CXADR: variants seen among roughly 807,000 people sequenced by gnomAD.
CXADR encodes the protein coxsackievirus and adenovirus receptor.
Under a neutral mutation model 40.3 loss-of-function variants are expected in CXADR, and 20 were observed. The observed-to-expected ratio is 0.50, with a 90% confidence interval of 0.35 to 0.72. The LOEUF is 0.72. Among genes scored for constraint, CXADR ranks in the 30% least tolerant of loss-of-function variants. The pLI, the probability that CXADR is intolerant of heterozygous loss-of-function variation, is 0.01. For missense variants in CXADR, 332 were observed against 449.1 expected, an observed-to-expected ratio of 0.74 and a Z score of 2.36; for synonymous variants, 150 against 161.3, an observed-to-expected ratio of 0.93 and a Z score of 0.53.
chr21:17,587,105 A>C (rs1043140440), intron 7 of CXADR, among the ~76,000 whole-genome samples: 1 of 152,290 alleles, frequency 6.6e-6, no homozygotes, highest in Non-Finnish European at 1.5e-5. Flanking sequence ...CCCATGGTGT[A>C]TATGTGCCAC....
At chr21:17,522,116 G>C (rs2060538266) in intron 1 of CXADR, among the ~76,000 whole-genome samples, 1 of 151,836 alleles carries the variant, frequency 6.6e-6, no homozygotes, top group Admixed American at 6.6e-5. Flanking sequence ...CAAGTAGCTG[G>C]GACTACAGGC....
intron 7 of CXADR, among the ~76,000 whole-genome samples, chr21:17,577,612 C>CTTTTTTTTTTTTTTTTTTT (rs532541050): frequency 1.6e-4 from 6 of 36,562 alleles, no homozygotes; most frequent in South Asian, 1.9e-3. Context: ...ATTCTGCAAG[C>CTTTTTTTTTTTTTTTTTTT]TTTTTTTTTT....
At chr21:17,611,977 G>T in the CXADR span, 1 of 152,230 alleles carries the variant, frequency 6.6e-6, no homozygotes, top group East Asian at 1.9e-4. Flanking sequence ...CGACCTCAGC[G>T]GCGCCACAAA....
intron 6 of CXADR, among the ~76,000 whole-genome samples, chr21:17,561,762 C>CA (rs2061125242): frequency 2.0e-5 from 3 of 151,866 alleles, no homozygotes; most frequent in Admixed American, 6.6e-5. Context: ...TCCCTGCCTG[C>CA]AGTGGTAGGG....
chr21:17,598,636 G>A, the CXADR span: 1 of 1,613,914 alleles, frequency 6.2e-7, no homozygotes, highest in Non-Finnish European at 8.5e-7. Flanking sequence ...AGGACTTGCG[G>A]CTGCAGTCAC....
chr21:17,596,727 T>C (rs572708474), downstream of CXADR, among the ~76,000 whole-genome samples: 3 of 151,356 alleles, frequency 2.0e-5, no homozygotes, highest in East Asian at 1.9e-4. Context: ...CTCCAACTGA[T>C]CCTCCTTTTT....
chr21:17,594,302 T>A (rs771821699), downstream of CXADR: 4 of 1,612,982 alleles, frequency 2.5e-6, no homozygotes, highest in East Asian at 8.9e-5. Flanking sequence ...GGGTGCCACA[T>A]TGGAAGAGGT....
the CXADR span, among the ~76,000 whole-genome samples, chr21:17,626,699 G>A: frequency 6.6e-6 from 1 of 152,320 alleles, no homozygotes; most frequent in Admixed American, 6.5e-5. Flanking sequence ...GAGTCAGCAA[G>A]TGCAGCTGCT....
chr21:17,633,314 C>G, the CXADR span: 1 of 152,344 alleles, frequency 6.6e-6, no homozygotes, highest in Non-Finnish European at 1.5e-5. Context: ...CCTATAAGCT[C>G]AGCACTTTGA....
At chr21:17,532,156 C>T (rs138034422) in intron 1 of CXADR, among the ~76,000 whole-genome samples, 1 of 152,088 alleles carries the variant, frequency 6.6e-6, no homozygotes, top group Non-Finnish European at 1.5e-5. Flanking sequence ...TGGTCTCAAA[C>T]TCCTGGGCCT....
the CXADR span, among the ~76,000 whole-genome samples, chr21:17,629,414 A>C: frequency 6.6e-6 from 1 of 151,734 alleles, no homozygotes; most frequent in Non-Finnish European, 1.5e-5. Flanking sequence ...AAAATTAAAA[A>C]ATTAGCCATG....
the CXADR span, among the ~76,000 whole-genome samples, chr21:17,626,042 C>A: frequency 6.6e-6 from 1 of 152,222 alleles, no homozygotes; most frequent in East Asian, 1.9e-4. Context: ...GCCTTCCCTT[C>A]CCCATTGTTA....
intron 2 of CXADR, among the ~76,000 whole-genome samples, chr21:17,550,862 T>A (rs913879621): frequency 6.6e-6 from 1 of 152,204 alleles, no homozygotes; most frequent in Non-Finnish European, 1.5e-5. Flanking sequence ...GAAGATTCAT[T>A]CAAAGGACTT....
rs917721715 is a variant in CXADR, at chr21:17,566,206, CTG to C, written c.*518_*519del. The C allele has an allele frequency of 2.7e-4, 263 of 981,794 alleles. No individual in the cohort carries two copies. The highest frequency in any genetic ancestry group is 3.1e-4 in the Non-Finnish European group (259 of 826,766). The allele number at this position is 981,794 out of a possible 1,614,324, so 60.8% of individuals were successfully genotyped here. ...TGGTTTTACAGCTCCTTTGAAAACT[CTG>C]TGTTTGGAATATCTCTAAAAACATA... On this transcript the variant is annotated 3_prime_UTR_variant, in exon 7 of 7. Coordinates refer to ENST00000284878, the MANE Select transcript of CXADR (RefSeq NM_001338.5).
intron 1 of CXADR, among the ~76,000 whole-genome samples, chr21:17,528,562 C>T (rs1033061035): frequency 7.2e-5 from 11 of 151,920 alleles, no homozygotes; most frequent in African/African-American, 1.9e-4. Context: ...TGCGCCACCA[C>T]GCCCAGCTAA....
rs2061060491 is a variant in CXADR at position 17,558,171 on chromosome 21, A to G, written c.416-805A>G. On this transcript the variant is annotated intron_variant, in intron 3 of 6. Transcript: ENST00000284878. ...GATTCAGGGTCTGGTTCTGTCACCT[A>G]GGCTGGAGTGCAGTGACATGATCAA... Among the ~76,000 whole-genome samples, 3 of 151,784 alleles carry G rather than the reference A, an allele frequency of 2.0e-5. No homozygotes were observed. The South Asian group carries it at 6.2e-4, about 32-fold the overall frequency.
rs773539489 is a variant in CXADR at position 17,565,576 on chromosome 21, C to T, written c.982C>T (p.Arg328Cys). The stretch of plus-strand genomic sequence containing the variant: ...CCAAGTACCAAGTGAAGACTTTGAA[C>T]GCACTCCTCAGAGTCCGACTCTCCC... ...YNQVPSEDFE[R>C]TPQSPTLPPA... Residue 328 changes from arginine (R) to cysteine (C), a missense_variant, in exon 7 of 7, where the codon CGC becomes TGC. This residue lies in a region of CXADR where 150 missense variants were observed against 194.2 expected (regional missense o/e 0.77). Transcript: ENST00000284878. 3.7e-6 allele frequency: 6 copies of T among 1,613,488 alleles called. No individual in the cohort carries two copies. Among genetic ancestry groups the T allele is most frequent in the Middle Eastern group, 1.7e-4 (1 of 5,884 alleles).
At chr21:17,541,248 C>G (rs558877949) in intron 1 of CXADR, among the ~76,000 whole-genome samples, 1 of 152,256 alleles carries the variant, frequency 6.6e-6, no homozygotes, top group East Asian at 1.9e-4. Context: ...AAGCATTTCC[C>G]TGCCCTAAAA....
Position 17,567,743 on chromosome 21 carries a change from C to A in CXADR, c.*2051C>A. 1.2e-6 allele frequency: 1 copy of A among 839,942 alleles called. No homozygotes were observed. The highest frequency in any genetic ancestry group is 1.4e-6 in the Non-Finnish European group (1 of 697,048). 52.0% of individuals were successfully genotyped at this position (839,942 alleles called of 1,614,324 possible). Reference sequence around the variant, plus strand: ...ATATTATAAAAAATAAGTAAATAAACAGAACATTAATAATAAAGTTTTGGT... The same window carrying A: ...ATATTATAAAAAATAAGTAAATAAAAAGAACATTAATAATAAAGTTTTGGT... On this transcript the variant is annotated 3_prime_UTR_variant, in exon 7 of 7. Transcript: ENST00000284878.
Sources: gnomAD v4.1 joint callset for allele counts (sites outside exome capture counted in the v4.1 genomes callset) on GRCh38, gnomAD v4.1.1 for gene constraint, gnomAD v4.1.1 regional missense constraint, MANE v1.5 for transcripts, NCBI Gene and HGNC (gene_info 2026-07-23, HGNC 2026-07-21) for gene names.